COQ8A: variants seen among roughly 807,000 people sequenced by gnomAD.
COQ8A encodes coenzyme Q8A.
In COQ8A, 51 loss-of-function variants were observed where a neutral mutation model predicts 65.0. That is an observed-to-expected ratio of 0.78 (90% confidence interval 0.63 to 0.99). The LOEUF (loss-of-function observed/expected upper bound fraction) is 0.99, where lower values mean the gene tolerates loss of function less well. COQ8A is among the 50% of genes least tolerant of loss of function. The pLI is 0.00. For missense variants in COQ8A, 940 were observed against 875.0 expected, an observed-to-expected ratio of 1.07 and a Z score of -0.94; for synonymous variants, 371 against 353.2, an observed-to-expected ratio of 1.05 and a Z score of -0.57.
At chr1:226,966,663 A>G (rs1658585619) in intron 4 of COQ8A, among the ~76,000 whole-genome samples, 1 of 152,148 alleles carries the variant, frequency 6.6e-6, no homozygotes, top group African/African-American at 2.4e-5. Flanking sequence ...TGGGTGGGGC[A>G]TGGAGATGCA....
At chr1:226,955,060 C>T (rs1200579617) in intron 1 of COQ8A, among the ~76,000 whole-genome samples, 1 of 152,040 alleles carries the variant, frequency 6.6e-6, no homozygotes, top group Non-Finnish European at 1.5e-5. Context: ...AACCTAAAGG[C>T]AGTGGAGGGA....
intron 1 of COQ8A, among the ~76,000 whole-genome samples, chr1:226,945,843 T>A (rs1479731093): frequency 6.6e-6 from 1 of 152,254 alleles, no homozygotes; most frequent in Non-Finnish European, 1.5e-5. Context: ...GCTCCCTCCC[T>A]GGGTCTGTGT....
intron 14 of COQ8A, 74 bp from the exon 15 acceptor site, chr1:226,986,379 C>T: frequency 6.5e-7 from 1 of 1,528,116 alleles, no homozygotes; most frequent in Non-Finnish European, 9.0e-7. Context: ...GCGCCCCGGG[C>T]ACTGTGGGAG....
chr1:226,971,559 A>AAAAAAAAAG (rs1558195574), intron 4 of COQ8A, among the ~76,000 whole-genome samples: 1 of 151,538 alleles, frequency 6.6e-6, no homozygotes, highest in African/African-American at 2.4e-5. Context: ...AGAAAAAGAA[A>AAAAAAAAAG]AAAAAGAAAA....
chr1:226,945,138 C>T (rs1224835152), intron 1 of COQ8A, among the ~76,000 whole-genome samples: 6 of 152,178 alleles, frequency 3.9e-5, no homozygotes, highest in African/African-American at 1.2e-4. Flanking sequence ...GATGCATGGC[C>T]CTTTCCTAAT....
chr1:226,985,162 G>T (rs1450050882), intron 13 of COQ8A, 92 bp from the exon 14 acceptor site: 17 of 1,397,958 alleles, frequency 1.2e-5, no homozygotes, highest in Non-Finnish European at 1.7e-5. Context: ...GGATGAGGGT[G>T]GGGTGGGCTC....
rs1659972386 is a variant in COQ8A at position 226,984,744 on chromosome 1, G to T, written c.1506+89G>T. ...GGCCCTGGACTGCCCCTTGTCCTGG[G>T]AAAGTCAGCAGAGAGCTCAGGGCTC... On this transcript the variant is annotated intron_variant, in intron 12 of 14. Coordinates refer to ENST00000366777, the MANE Select transcript of COQ8A (RefSeq NM_020247.5). 46 of 1,515,232 alleles carry T rather than the reference G, an allele frequency of 3.0e-5. 2 individuals are homozygous for T. The South Asian group carries it at 5.1e-4, about 17-fold the overall frequency. The allele number at this position is 1,515,232 out of a possible 1,614,324, so 93.9% of individuals were successfully genotyped here. A position where few individuals can be genotyped will look rare whatever the true frequency, so the allele number is the denominator to read the frequency against.
rs1401460776 is a variant in COQ8A, at chr1:226,960,542, T to TTGG, written c.-9-826_-9-824dup. 2.7e-3 allele frequency among the ~76,000 whole-genome samples: 378 copies of TTGG among 141,310 alleles called. 4 individuals are homozygous for TTGG. Among genetic ancestry groups the TTGG allele is most frequent in the African/African-American group, 9.8e-3 (356 of 36,470 alleles). The allele number at this position is 141,310 out of a possible 152,430, so 92.7% of individuals were successfully genotyped here. ...TGGTGCTTGGTGGTGGTGGTTGTAC[T>TTGG]TGGTGGTGGTGTCAATGGTACTTGG... is the stretch of plus-strand genomic sequence containing the variant. On this transcript the variant is annotated intron_variant, in intron 1 of 14. Coordinates refer to ENST00000366777, the MANE Select transcript of COQ8A (RefSeq NM_020247.5).
chr1:226,976,371 G>GCTGCGGGGCTGTGGGA (rs1338848820), intron 4 of COQ8A, among the ~76,000 whole-genome samples: 3 of 148,196 alleles, frequency 2.0e-5, no homozygotes, highest in South Asian at 2.2e-4. Context: ...ATGTTGCCTG[G>GCTGCGGGGCTGTGGGA]CTGCGGGGCT....
intron 2 of COQ8A, among the ~76,000 whole-genome samples, chr1:226,963,443 C>CA (rs1658376614): frequency 6.6e-6 from 1 of 151,994 alleles, no homozygotes; most frequent in South Asian, 2.1e-4. Context: ...GGGACCCCCC[C>CA]ACTGGCCTTG....
chr1:226,976,345 G>A (rs1239821971), intron 4 of COQ8A, among the ~76,000 whole-genome samples: 1 of 149,442 alleles, frequency 6.7e-6, no homozygotes, highest in Non-Finnish European at 1.5e-5. Flanking sequence ...CGGGACTGCG[G>A]GGCTGTGGGA....
In COQ8A at chr1:226,987,059, C is replaced by T. The variant is rs957809973; in HGVS notation, c.*322C>T. ...AATGTTAAGCAGAAGGGAGAGAGTC[C>T]TTACTCCCTTCCAATCTCTGTTCAG... On this transcript the variant is annotated 3_prime_UTR_variant, in exon 15 of 15. Transcript: ENST00000366777. The T allele has an allele frequency of 1.2e-5, 5 of 417,352 alleles. No homozygotes were observed. In the Admixed American group the frequency reaches 1.9e-4, roughly 16 times the overall value. 25.9% of individuals were successfully genotyped at this position (417,352 alleles called of 1,614,324 possible). A position where few individuals can be genotyped will look rare whatever the true frequency, so the allele number is the denominator to read the frequency against.
At position 226,984,884 on chromosome 1, in the gene COQ8A, T is replaced by C; in HGVS notation, c.1515T>C (p.Leu505=). 1 of 1,614,090 alleles carries C rather than the reference T, an allele frequency of 6.2e-7. No homozygotes were observed. The highest frequency in any genetic ancestry group is 8.5e-7 in the Non-Finnish European group (1 of 1,179,984). The change falls in exon 13 of 15, where the codon CTT becomes CTC. Residue 505 remains leucine (L), a synonymous_variant. Coordinates refer to ENST00000366777, the MANE Select transcript of COQ8A (RefSeq NM_020247.5). The stretch of plus-strand genomic sequence containing the variant: ...GGTGTCTCTGTCCCCAGGTGGCTCT[T>C]TTGGATTTTGGGGCAACGCGGGAAT... The part of the protein sequence containing the change: ...FYDPQQHKVA[L]LDFGATREYD...
chr1:226,979,544 C>T (rs1264821453), intron 5 of COQ8A, among the ~76,000 whole-genome samples: 2 of 152,188 alleles, frequency 1.3e-5, no homozygotes, highest in African/African-American at 2.4e-5. Flanking sequence ...AATGTCAGCT[C>T]ATTCTGGTAT....
chr1:226,960,793 G>C (rs1441216178), intron 1 of COQ8A, among the ~76,000 whole-genome samples: 1 of 152,108 alleles, frequency 6.6e-6, no homozygotes, highest in African/African-American at 2.4e-5. Flanking sequence ...GAGGGGTCAG[G>C]GAGGGGCTCT....
rs1657053522 is a variant in COQ8A at position 226,946,485 on chromosome 1, C to G, written c.-10+6086C>G. 1.3e-5 allele frequency among the ~76,000 whole-genome samples: 2 copies of G among 152,064 alleles called. No homozygotes were observed. The highest frequency in any genetic ancestry group is 4.1e-4 in the South Asian group (2 of 4,830). Reference sequence around the variant, plus strand: ...TATCGCTGCAGAGGTGTCTGGGGCTCCACAGTGAAGGGCCTTGCTGGCCAG... The same window carrying G: ...TATCGCTGCAGAGGTGTCTGGGGCTGCACAGTGAAGGGCCTTGCTGGCCAG... On this transcript the variant is annotated intron_variant, in intron 1 of 14. Transcript: ENST00000366777. This position sits in a 1 kb window ranked among gnomAD's most constrained non-coding sequence, Gnocchi z 5.3.
chr1:226,985,380 C>G (rs1419318671), intron 14 of COQ8A, 40 bp downstream of exon 14: 2 of 1,601,606 alleles, frequency 1.2e-6, no homozygotes, highest in East Asian at 2.2e-5. Flanking sequence ...CCTGCTGACC[C>G]AGGGCCCGGC....
intron 4 of COQ8A, among the ~76,000 whole-genome samples, chr1:226,970,420 C>T (rs1377873840): frequency 6.6e-6 from 1 of 152,220 alleles, no homozygotes; most frequent in Non-Finnish European, 1.5e-5. Flanking sequence ...ACCTTTACAA[C>T]ATGTTACTGT....
At chr1:226,985,822 T>C (rs1021210376) in intron 14 of COQ8A, among the ~76,000 whole-genome samples, 1 of 152,196 alleles carries the variant, frequency 6.6e-6, no homozygotes, top group African/African-American at 2.4e-5. Flanking sequence ...GGTCAAGCCT[T>C]GGGTCTGCCG....
Sources: gnomAD v4.1 joint callset for allele counts (sites outside exome capture counted in the v4.1 genomes callset) on GRCh38, gnomAD v4.1.1 for gene constraint, Gnocchi (gnomAD v3.1) non-coding constraint, MANE v1.5 for transcripts, NCBI Gene and HGNC (gene_info 2026-07-23, HGNC 2026-07-21) for gene names.